Variants in LRMDA observed in about 807,000 individuals in gnomAD.
The protein encoded by LRMDA is leucine-rich melanocyte differentiation-associated protein.
In LRMDA, 18 loss-of-function variants were observed where a neutral mutation model predicts 29.8. That is an observed-to-expected ratio of 0.60 (90% CI 0.42 to 0.90). The LOEUF is 0.90. Ranked by LOEUF, LRMDA falls within the 40% of genes least tolerant of loss-of-function variation. The probability of loss-of-function intolerance (pLI) is 0.00; values close to 1 mark genes in which losing one functional copy is unlikely to be tolerated. For synonymous variants in LRMDA, 125 were observed against 109.4 expected (o/e 1.14, Z -0.89); for missense variants, 273 against 273.9 (o/e 1.00, Z 0.02).
intron 2 of LRMDA, among the ~76,000 whole-genome samples, chr10:75,474,304 C>G (rs922997328): frequency 1.3e-5 from 2 of 152,182 alleles, no homozygotes; most frequent in Non-Finnish European, 2.9e-5. Context: ...AACAAAATAC[C>G]ATGGACTGGC....
chr10:75,657,221 A>G (rs1390340819), intron 2 of LRMDA, among the ~76,000 whole-genome samples: 2 of 152,238 alleles, frequency 1.3e-5, no homozygotes, highest in Non-Finnish European at 1.5e-5. Context: ...GTGAAAAATA[A>G]GAGACTTAGT....
intron 3 of LRMDA, among the ~76,000 whole-genome samples, chr10:76,044,439 G>GTTT (rs3042545): frequency 5.0e-4 from 68 of 137,002 alleles, no homozygotes; most frequent in Non-Finnish European, 7.3e-4. Context: ...TTTTTTCTTT[G>GTTT]TTTTTTTTTT....
intron 5 of LRMDA, among the ~76,000 whole-genome samples, chr10:76,126,531 G>T (rs1340041084): frequency 6.6e-6 from 1 of 152,032 alleles, no homozygotes; most frequent in East Asian, 1.9e-4. Flanking sequence ...CTCCTGCTGG[G>T]GTCTTTCATC....
chr10:76,540,801 C>G (rs982672695), intron 6 of LRMDA, among the ~76,000 whole-genome samples: 1 of 152,100 alleles, frequency 6.6e-6, no homozygotes, highest in African/African-American at 2.4e-5. Flanking sequence ...ACTGTTTATT[C>G]GAGTCTGCAC....
chr10:76,011,187 C>T (rs537236976), intron 2 of LRMDA, among the ~76,000 whole-genome samples: 7 of 152,198 alleles, frequency 4.6e-5, no homozygotes, highest in South Asian at 2.1e-4. Flanking sequence ...ATTGTGGGAG[C>T]GTCATCAAAG....
intron 2 of LRMDA, among the ~76,000 whole-genome samples, chr10:75,641,609 A>T (rs979337666): frequency 5.9e-5 from 9 of 152,084 alleles, no homozygotes; most frequent in African/African-American, 1.4e-4. Flanking sequence ...ATTTAAAAAA[A>T]ATTTTTTTTT....
intron 3 of LRMDA, among the ~76,000 whole-genome samples, chr10:76,039,658 A>T (rs528442362): frequency 6.6e-6 from 1 of 152,202 alleles, no homozygotes; most frequent in East Asian, 1.9e-4. Flanking sequence ...CTGAAGGCAG[A>T]CTTCCTGAGC....
At chr10:75,980,299 C>G (rs1226060677) in intron 2 of LRMDA, among the ~76,000 whole-genome samples, 2 of 152,198 alleles carry the variant, frequency 1.3e-5, no homozygotes, top group African/African-American at 4.8e-5. Flanking sequence ...ATCAAGCACA[C>G]TGGTGAGTGA....
At chr10:76,552,540 T>C (rs1843508859) in intron 6 of LRMDA, among the ~76,000 whole-genome samples, 1 of 152,226 alleles carries the variant, frequency 6.6e-6, no homozygotes, top group African/African-American at 2.4e-5. Flanking sequence ...GACCTGGTGT[T>C]CTCATCTTCA....
intron 2 of LRMDA, among the ~76,000 whole-genome samples, chr10:75,473,690 C>T (rs1470167885): frequency 1.3e-5 from 2 of 152,202 alleles, no homozygotes; most frequent in Non-Finnish European, 2.9e-5. Context: ...TCATCTGTGG[C>T]ATGCTGGTTG....
chr10:75,612,995 G>T (rs1429156839), intron 2 of LRMDA, among the ~76,000 whole-genome samples: 1 of 152,152 alleles, frequency 6.6e-6, no homozygotes, highest in Non-Finnish European at 1.5e-5. Context: ...TCAAACGTAT[G>T]CTATTGTGGT....
intron 2 of LRMDA, among the ~76,000 whole-genome samples, chr10:75,667,741 G>A (rs894507002): frequency 1.3e-5 from 2 of 152,236 alleles, no homozygotes; most frequent in African/African-American, 4.8e-5. Flanking sequence ...TGGATCTTAT[G>A]GATCATAGAA....
At chr10:76,488,429 T>A (rs1842803286) in intron 6 of LRMDA, among the ~76,000 whole-genome samples, 1 of 151,232 alleles carries the variant, frequency 6.6e-6, no homozygotes, top group South Asian at 2.1e-4. Context: ...ATACAATATG[T>A]ACTGTTTTTT....
At chr10:76,079,832 T>G (rs1284914197) in intron 5 of LRMDA, among the ~76,000 whole-genome samples, 2 of 152,102 alleles carry the variant, frequency 1.3e-5, no homozygotes, top group Non-Finnish European at 1.5e-5. Flanking sequence ...CAGTTAGGAG[T>G]AAGGGAAGAG....
chr10:76,180,561 G>A (rs1443089696), intron 5 of LRMDA, among the ~76,000 whole-genome samples: 2 of 151,990 alleles, frequency 1.3e-5, no homozygotes, highest in African/African-American at 4.8e-5. Flanking sequence ...TTACAGACAT[G>A]AGCCACTGCA....
chr10:75,540,282 A>G (rs1426591961), intron 2 of LRMDA, among the ~76,000 whole-genome samples: 1 of 152,222 alleles, frequency 6.6e-6, no homozygotes. Flanking sequence ...GGGAACAGCA[A>G]GTGAAAAGGC....
At chr10:75,692,028 C>T (rs1842165270) in intron 2 of LRMDA, among the ~76,000 whole-genome samples, 1 of 151,650 alleles carries the variant, frequency 6.6e-6, no homozygotes, top group Admixed American at 6.6e-5. Context: ...CAAAGTGAGA[C>T]CTCATCTCTA....
intron 2 of LRMDA, among the ~76,000 whole-genome samples, chr10:75,854,436 G>T (rs1252182551): frequency 6.6e-6 from 1 of 152,026 alleles, no homozygotes; most frequent in Non-Finnish European, 1.5e-5. Context: ...AAAATATCCA[G>T]ATTTGGATGG....
intron 2 of LRMDA, among the ~76,000 whole-genome samples, chr10:75,551,875 C>T (rs139074898): frequency 6.6e-6 from 1 of 152,042 alleles, no homozygotes; most frequent in East Asian, 1.9e-4. Context: ...CCATTCTCTA[C>T]AAAACATTAA....
Sources: allele counts gnomAD v4.1 joint callset (sites outside exome capture counted in the v4.1 genomes callset), GRCh38; gene constraint gnomAD v4.1.1; transcripts MANE v1.5; gene names NCBI Gene and HGNC (gene_info 2026-07-23, HGNC 2026-07-21).